The following EPHA5 variants were observed in gnomAD, a reference collection of about 807,000 sequenced individuals.
EPHA5 encodes the protein EPH receptor A5.
In EPHA5, 60 loss-of-function variants were observed where a neutral mutation model predicts 105.0. The ratio of observed to expected loss-of-function variants is 0.57; its 90% confidence interval spans 0.46 to 0.71. The LOEUF (loss-of-function observed/expected upper bound fraction) is 0.71, where lower values mean the gene tolerates loss of function less well. EPHA5 is among the 30% of genes least tolerant of loss of function. EPHA5 has a pLI of 0.00. For synonymous variants in EPHA5, 513 were observed against 449.1 expected, an observed-to-expected ratio of 1.14 and a Z score of -1.80; for missense variants, 1,218 against 1,274.7, an observed-to-expected ratio of 0.96 and a Z score of 0.68.
At chr4:65,668,045 T>G (rs1479758007) in intron 1 of EPHA5, among the ~76,000 whole-genome samples, 2 of 152,188 alleles carry the variant, frequency 1.3e-5, no homozygotes, top group African/African-American at 4.8e-5. Flanking sequence ...TACCCAATTG[T>G]TTGGCTTAAG....
At chr4:65,574,434 A>T (rs1051350107) in intron 3 of EPHA5, 289 of 415,672 alleles carry the variant, frequency 7.0e-4, no homozygotes, top group Middle Eastern at 2.0e-3. Flanking sequence ...ATGTATTCAT[A>T]CTCTTGAGGC....
chr4:65,507,330 G>A (rs1733141814), intron 3 of EPHA5, among the ~76,000 whole-genome samples: 1 of 152,120 alleles, frequency 6.6e-6, no homozygotes, highest in African/African-American at 2.4e-5. Context: ...TTTTGGCTTA[G>A]GATTGTCTTG....
chr4:65,476,044 A>T (rs1005879199), intron 5 of EPHA5, among the ~76,000 whole-genome samples: 1 of 151,900 alleles, frequency 6.6e-6, no homozygotes, highest in East Asian at 1.9e-4. Context: ...AGAACTTCCT[A>T]CAAATGTAAT....
At chr4:65,439,916 TTA>T (rs1725852356) in intron 5 of EPHA5, among the ~76,000 whole-genome samples, 1 of 152,116 alleles carries the variant, frequency 6.6e-6, no homozygotes, top group African/African-American at 2.4e-5. Flanking sequence ...TTATGAAAGA[TTA>T]TGTCATGTTT....
chr4:65,453,551 G>A (rs948694418), intron 5 of EPHA5, among the ~76,000 whole-genome samples: 10 of 152,126 alleles, frequency 6.6e-5, no homozygotes, highest in African/African-American at 1.4e-4. Flanking sequence ...ACTTAAGCAC[G>A]TTCATTAAGA....
In EPHA5 at chr4:65,670,278, G is replaced by A. The variant is rs1191269951; in HGVS notation, c.-536C>T. 1.3e-5 allele frequency: 3 copies of A among 233,692 alleles called. No homozygotes were observed. Among genetic ancestry groups the A allele is most frequent in the African/African-American group, 6.6e-5 (3 of 45,386 alleles). 14.5% of individuals were successfully genotyped at this position (233,692 alleles called of 1,614,324 possible). ...CAGGAGAGCAGCGAGCAAAAGCAAA[G>A]ATCCAGAGTTCAAAGAGACTGGCAG... On this transcript the variant is annotated 5_prime_UTR_variant, in exon 1 of 17. Coordinates refer to ENST00000613740, the MANE Select transcript of EPHA5 (RefSeq NM_001281766.3).
rs1728797784 is a variant in EPHA5 at position 65,467,143 on chromosome 4, T to C, written c.1402+23234A>G. On this transcript the variant is annotated intron_variant, in intron 5 of 16. Coordinates refer to ENST00000613740, the MANE Select transcript of EPHA5 (RefSeq NM_001281766.3). Reference sequence around the variant, plus strand: ...GGACCACCTCCATAACAAACCAAAGTACAAAGAGATTACTTTGTTTTCTAC... The same window carrying C: ...GGACCACCTCCATAACAAACCAAAGCACAAAGAGATTACTTTGTTTTCTAC... 2.0e-5 allele frequency among the ~76,000 whole-genome samples: 3 copies of C among 152,136 alleles called. No individual in the cohort carries two copies. In the South Asian group the frequency reaches 6.2e-4, roughly 32 times the overall value.
At chr4:65,528,408 C>T (rs947613963) in intron 3 of EPHA5, among the ~76,000 whole-genome samples, 2 of 140,868 alleles carry the variant, frequency 1.4e-5, no homozygotes, top group African/African-American at 5.4e-5. Flanking sequence ...ATTTTGTGCA[C>T]TCAAGAAATA....
At chr4:65,354,914 T>C (rs1723155334) in intron 11 of EPHA5, among the ~76,000 whole-genome samples, 1 of 151,856 alleles carries the variant, frequency 6.6e-6, no homozygotes. Context: ...AAATGGAATG[T>C]GATAAGTGTA....
At position 65,404,914 on chromosome 4, in the gene EPHA5, T is replaced by A. The variant is rs112673411; in HGVS notation, c.1688-435A>T. ...AGAATCTGATGAACCCAGATGGGAT[T>A]TTTTTCCCCATAGACATTGGAGACA... On this transcript the variant is annotated intron_variant, in intron 7 of 16. Coordinates refer to ENST00000613740, the MANE Select transcript of EPHA5 (RefSeq NM_001281766.3). 1.3e-3 allele frequency among the ~76,000 whole-genome samples: 199 copies of A among 152,192 alleles called. 1 individual carries two copies. Among genetic ancestry groups the A allele is most frequent in the African/African-American group, 4.5e-3 (187 of 41,550 alleles).
At chr4:65,649,464 C>T (rs1189149783) in intron 1 of EPHA5, among the ~76,000 whole-genome samples, 1 of 152,138 alleles carries the variant, frequency 6.6e-6, no homozygotes, top group Non-Finnish European at 1.5e-5. Flanking sequence ...AATGAGCCAT[C>T]AACATTACCT....
chr4:65,476,522 C>G (rs1729839312), intron 5 of EPHA5, among the ~76,000 whole-genome samples: 1 of 151,938 alleles, frequency 6.6e-6, no homozygotes, highest in Admixed American at 6.6e-5. Flanking sequence ...TAAGTGGAAG[C>G]CAAACATTGG....
intron 2 of EPHA5, among the ~76,000 whole-genome samples, chr4:65,615,331 A>G (rs1033614176): frequency 3.9e-5 from 6 of 151,910 alleles, no homozygotes; most frequent in Non-Finnish European, 5.9e-5. Flanking sequence ...GGTACATACA[A>G]AAGTTCATGC....
intron 3 of EPHA5, among the ~76,000 whole-genome samples, chr4:65,565,119 T>C (rs578066952): frequency 3.2e-4 from 48 of 151,750 alleles, no homozygotes; most frequent in Non-Finnish European, 6.1e-4. Flanking sequence ...TAAGGACACC[T>C]CAGAGGGTTC....
At chr4:65,634,721 C>A (rs111734150) in intron 2 of EPHA5, among the ~76,000 whole-genome samples, 1 of 151,894 alleles carries the variant, frequency 6.6e-6, no homozygotes, top group Non-Finnish European at 1.5e-5. Flanking sequence ...AAATAAAGAG[C>A]TTTTCTATAT....
intron 3 of EPHA5, among the ~76,000 whole-genome samples, chr4:65,576,167 AAAGGAAGG>A (rs141356860): frequency 0.033 from 4,961 of 148,148 alleles, 283 homozygotes; most frequent in African/African-American, 0.11. Flanking sequence ...GAGAGAAAGT[AAAGGAAGG>A]AAGGAAGGAA....
intron 5 of EPHA5, among the ~76,000 whole-genome samples, chr4:65,447,205 G>A (rs1392594569): frequency 6.6e-6 from 1 of 151,738 alleles, no homozygotes; most frequent in Non-Finnish European, 1.5e-5. Flanking sequence ...TTGCGGGTTG[G>A]GGGGTGGGTA....
intron 8 of EPHA5, among the ~76,000 whole-genome samples, chr4:65,400,412 A>G (rs1721701133): frequency 6.6e-6 from 1 of 152,186 alleles, no homozygotes; most frequent in African/African-American, 2.4e-5. Context: ...AGAGAGTCTG[A>G]ACCCTGCAGA....
chr4:65,395,457 G>C (rs1047664114), intron 8 of EPHA5, among the ~76,000 whole-genome samples: 2 of 152,102 alleles, frequency 1.3e-5, no homozygotes, highest in Non-Finnish European at 2.9e-5. Context: ...TTAAAAGTAA[G>C]TACAAAAGGC....
Sources: allele counts gnomAD v4.1 joint callset (sites outside exome capture counted in the v4.1 genomes callset), GRCh38; gene constraint gnomAD v4.1.1; transcripts MANE v1.5; gene names NCBI Gene and HGNC (gene_info 2026-07-23, HGNC 2026-07-21).